The following PARL variants were observed in gnomAD, a reference collection of about 807,000 sequenced individuals.
PARL encodes the protein presenilin associated rhomboid like, also known as presenilin-associated rhomboid-like protein, mitochondrial.
Under a neutral mutation model 51.6 loss-of-function variants are expected in PARL, and 44 were observed. That is an observed-to-expected ratio of 0.85 (90% CI 0.67 to 1.10). PARL has a LOEUF of 1.10. Ranked by LOEUF, PARL falls within the 50% of genes least tolerant of loss-of-function variation. The probability of loss-of-function intolerance (pLI) is 0.00; values close to 1 mark genes in which losing one functional copy is unlikely to be tolerated. For missense variants in PARL, 441 were observed against 469.5 expected, an observed-to-expected ratio of 0.94 and a Z score of 0.56; for synonymous variants, 172 against 164.0, an observed-to-expected ratio of 1.05 and a Z score of -0.37.
intron 7 of PARL, among the ~76,000 whole-genome samples, chr3:183,835,947 G>A (rs953152913): frequency 5.3e-5 from 8 of 152,166 alleles, no homozygotes; most frequent in African/African-American, 1.9e-4. Context: ...GCCAGGCACA[G>A]TCGCTTACAC....
At chr3:183,884,217 C>T (rs1032463116) in intron 1 of PARL, among the ~76,000 whole-genome samples, 1 of 152,224 alleles carries the variant, frequency 6.6e-6, no homozygotes, top group African/African-American at 2.4e-5. Flanking sequence ...AAATCTTCCA[C>T]TGTCTCAATT....
chr3:183,857,840 TA>T (rs1319540598), intron 4 of PARL, among the ~76,000 whole-genome samples: 1 of 152,174 alleles, frequency 6.6e-6, no homozygotes, highest in African/African-American at 2.4e-5. Context: ...AGATACTTGA[TA>T]GGGGGAGGCA....
At chr3:183,867,165 T>G (rs1732591080) in intron 2 of PARL, among the ~76,000 whole-genome samples, 1 of 152,024 alleles carries the variant, frequency 6.6e-6, no homozygotes, top group South Asian at 2.1e-4. Context: ...CCACCCACCT[T>G]GGCCTCCAGT....
At chr3:183,828,239 C>T (rs1338421222), downstream of PARL, among the ~76,000 whole-genome samples, 1 of 152,228 alleles carries the variant, frequency 6.6e-6, no homozygotes, top group Non-Finnish European at 1.5e-5. Context: ...TCTTCATTGC[C>T]TCTTTGCCTG....
chr3:183,835,908 G>A (rs13080517), intron 7 of PARL, among the ~76,000 whole-genome samples: 29,108 of 151,716 alleles, frequency 0.19, 2,994 homozygotes, highest in East Asian at 0.43. Context: ...TAGTTGATAT[G>A]AAAGAGCATT....
chr3:183,882,280 TATAC>T (rs1273792898), intron 1 of PARL, among the ~76,000 whole-genome samples: 10 of 103,438 alleles, frequency 9.7e-5, no homozygotes, highest in Non-Finnish European at 1.6e-4. Context: ...TATATATATA[TATAC>T]ACACACACAT....
chr3:183,880,710 CTTTTT>C (rs1267763721), intron 1 of PARL, among the ~76,000 whole-genome samples: 2 of 150,846 alleles, frequency 1.3e-5, no homozygotes, highest in African/African-American at 4.9e-5. Flanking sequence ...CCAGCTCAGA[CTTTTT>C]TTTTAATACA....
intron 6 of PARL, among the ~76,000 whole-genome samples, chr3:183,841,417 T>A (rs377244663): frequency 1.7e-4 from 26 of 152,324 alleles, no homozygotes; most frequent in African/African-American, 6.3e-4. Flanking sequence ...GGGCTTGTGG[T>A]AGATGCTTTT....
chr3:183,844,346 A>C lies in PARL; in HGVS notation c.512-20T>G, dbSNP rs1226740861. On this transcript the variant is annotated intron_variant, in intron 4 of 9. Transcript: ENST00000317096. ...TAATACCTACAAAATAAATATTTAT[A>C]ATTTAGGGAGGTTAAAAATGAAAGC... 1.1e-5 allele frequency: 16 copies of C among 1,428,118 alleles called. 1 individual carries two copies. The South Asian group carries it at 1.7e-4, about 15-fold the overall frequency. The allele number at this position is 1,428,118 out of a possible 1,614,324, so 88.5% of individuals were successfully genotyped here. A position where few individuals can be genotyped will look rare whatever the true frequency, so the allele number is the denominator to read the frequency against.
intron 1 of PARL, among the ~76,000 whole-genome samples, chr3:183,881,264 G>A (rs2108724435): frequency 6.6e-6 from 1 of 152,144 alleles, no homozygotes; most frequent in South Asian, 2.1e-4. Flanking sequence ...TGGGATTACA[G>A]GCCCCTGCCA....
At chr3:183,865,654 GCCC>G (rs889649626) in intron 3 of PARL, among the ~76,000 whole-genome samples, 3 of 151,952 alleles carry the variant, frequency 2.0e-5, no homozygotes, top group Non-Finnish European at 4.4e-5. Flanking sequence ...ATAACCATCT[GCCC>G]CCCTGCAACC....
intron 7 of PARL, among the ~76,000 whole-genome samples, chr3:183,838,923 T>G (rs1263769765): frequency 1.3e-5 from 2 of 152,180 alleles, no homozygotes; most frequent in Non-Finnish European, 2.9e-5. Flanking sequence ...CCTTTCAGTG[T>G]GTATTAGATG....
At chr3:183,867,507 T>C (rs1441065704) in intron 2 of PARL, among the ~76,000 whole-genome samples, 1 of 152,062 alleles carries the variant, frequency 6.6e-6, no homozygotes, top group African/African-American at 2.4e-5. Context: ...GAGACCATCC[T>C]GGCTAACAAG....
downstream of PARL, chr3:183,826,768 A>G (rs995541264): frequency 1.0e-6 from 1 of 985,078 alleles, no homozygotes; most frequent in Non-Finnish European, 1.2e-6. Context: ...GTCAGAGTGA[A>G]CTCTTTGTGG....
chr3:183,840,973 A>G (rs773026954), intron 6 of PARL, among the ~76,000 whole-genome samples: 1 of 152,128 alleles, frequency 6.6e-6, no homozygotes, highest in African/African-American at 2.4e-5. Context: ...TCTCCTGCCT[A>G]TCATTTCAGC....
At position 183,842,284 on chromosome 3, in the gene PARL, T is replaced by A. The variant is rs200274037; in HGVS notation, c.757+14A>T. ...GCTTATACTCTCAAAGGCCCCGAGA[T>A]TAAAGCATATTACCTGCAGATAGGT... On this transcript the variant is annotated intron_variant, in intron 6 of 9. Transcript: ENST00000317096. 5.6e-6 allele frequency: 9 copies of A among 1,611,524 alleles called. No individual in the cohort carries two copies. Among genetic ancestry groups the A allele is most frequent in the Middle Eastern group, 2.2e-4 (1 of 4,546 alleles).
intron 5 of PARL, 54 bp from the exon 6 acceptor site, chr3:183,842,501 A>T: frequency 6.4e-7 from 1 of 1,573,498 alleles, no homozygotes; most frequent in Non-Finnish European, 8.7e-7. Flanking sequence ...GCCAATAAAA[A>T]TTATCCATTT....
At chr3:183,853,277 C>T (rs1730751460) in intron 4 of PARL, among the ~76,000 whole-genome samples, 1 of 141,278 alleles carries the variant, frequency 7.1e-6, no homozygotes, top group African/African-American at 2.5e-5. Context: ...ATGCTTATAA[C>T]TCAGGCGGGT....
At chr3:183,834,096 G>A (rs563640216) in intron 7 of PARL, among the ~76,000 whole-genome samples, 2 of 152,294 alleles carry the variant, frequency 1.3e-5, no homozygotes, top group South Asian at 2.1e-4. Flanking sequence ...AGTGCTAAGC[G>A]TGTCATGCGC....
Sources: allele counts gnomAD v4.1 joint callset (sites outside exome capture counted in the v4.1 genomes callset), GRCh38; gene constraint gnomAD v4.1.1; transcripts MANE v1.5; gene names NCBI Gene and HGNC (gene_info 2026-07-23, HGNC 2026-07-21).